Variants in FAM3C observed in about 807,000 individuals in gnomAD.
FAM3C encodes FAM3 metabolism regulating signaling molecule C, also known as protein FAM3C.
FAM3C carries 15 observed loss-of-function variants against 32.5 expected under a neutral mutation model. The observed-to-expected ratio is 0.46, with a 90% CI of 0.31 to 0.71. The LOEUF (loss-of-function observed/expected upper bound fraction) is 0.71. FAM3C is among the 30% of genes least tolerant of loss of function. FAM3C has a pLI of 0.05. For synonymous variants in FAM3C, 75 were observed against 86.1 expected (o/e 0.87, Z 0.72); for missense variants, 175 against 274.4 (o/e 0.64, Z 2.56).
chr7:121,351,930 G>A (rs1793714741), intron 8 of FAM3C, among the ~76,000 whole-genome samples: 1 of 152,104 alleles, frequency 6.6e-6, no homozygotes, highest in South Asian at 2.1e-4. Flanking sequence ...TTTTGTGTAA[G>A]TGATCATCCT....
intron 3 of FAM3C, among the ~76,000 whole-genome samples, chr7:121,374,219 C>T (rs898152473): frequency 1.3e-4 from 20 of 152,158 alleles, no homozygotes; most frequent in African/African-American, 4.8e-4. Context: ...ATGGGAGAAA[C>T]TGAGTAAACA....
intron 8 of FAM3C, 23 bp downstream of exon 8, chr7:121,360,020 A>G (rs1793887596): frequency 4.2e-6 from 5 of 1,202,948 alleles, no homozygotes; most frequent in Non-Finnish European, 6.1e-6. Context: ...ATAGTTCCAA[A>G]AAGTTCTGTA....
intron 3 of FAM3C, among the ~76,000 whole-genome samples, chr7:121,375,412 G>A (rs1794220369): frequency 6.6e-6 from 1 of 152,190 alleles, no homozygotes; most frequent in South Asian, 2.1e-4. Context: ...GACCAGCTGA[G>A]AAAGGCAGGC....
At chr7:121,358,435 CAG>C (rs1221476566) in intron 8 of FAM3C, among the ~76,000 whole-genome samples, 1 of 151,806 alleles carries the variant, frequency 6.6e-6, no homozygotes, top group East Asian at 1.9e-4. Flanking sequence ...GAAGAAAAGT[CAG>C]AGAAAAAATT....
chr7:121,391,808 C>A (rs1003539508), intron 1 of FAM3C, among the ~76,000 whole-genome samples: 3 of 152,170 alleles, frequency 2.0e-5, no homozygotes, highest in Non-Finnish European at 4.4e-5. Flanking sequence ...AAATGGAAAC[C>A]ATGCCTGAAG....
At chr7:121,372,169 G>A (rs749511749) in intron 3 of FAM3C, 30 bp from the exon 4 acceptor site, 15 of 1,548,844 alleles carry the variant, frequency 9.7e-6, no homozygotes, top group Admixed American at 1.7e-5. Flanking sequence ...TTTGTTAGAA[G>A]GAATGAGTCT....
intron 1 of FAM3C, 111 bp from the exon 2 acceptor site, chr7:121,383,121 G>A (rs1794390961): frequency 5.7e-6 from 3 of 525,522 alleles, no homozygotes; most frequent in South Asian, 5.7e-5. Flanking sequence ...ACATTTCTAA[G>A]TATTATGCCA....
At chr7:121,382,549 G>GTTTTTTT (rs3068115) in intron 2 of FAM3C, among the ~76,000 whole-genome samples, 1 of 130,780 alleles carries the variant, frequency 7.6e-6, no homozygotes. Context: ...CAGTCTTTAG[G>GTTTTTTT]TTTTTTTTTT....
chr7:121,350,614 C>T, intron 9 of FAM3C, 64 bp from the exon 10 acceptor site: 1 of 1,492,024 alleles, frequency 6.7e-7, no homozygotes, highest in Non-Finnish European at 9.3e-7. Flanking sequence ...TTTGCCGTAA[C>T]ATTTTACACA....
chr7:121,360,724 C>T (rs924234712), intron 7 of FAM3C, among the ~76,000 whole-genome samples: 1 of 152,062 alleles, frequency 6.6e-6, no homozygotes. Flanking sequence ...GTCCTAGCTA[C>T]TCAGGAAGTT....
chr7:121,395,871 A>G (rs1427555248), intron 1 of FAM3C, among the ~76,000 whole-genome samples: 2 of 151,742 alleles, frequency 1.3e-5, no homozygotes, highest in Non-Finnish European at 2.9e-5. Flanking sequence ...CGGGGCGCCG[A>G]GTGCCAGCGC....
At chr7:121,376,478 T>C (rs1794240197) in intron 3 of FAM3C, among the ~76,000 whole-genome samples, 1 of 152,200 alleles carries the variant, frequency 6.6e-6, no homozygotes, top group Non-Finnish European at 1.5e-5. Context: ...AAGTATCCCT[T>C]ATCCAAAATG....
At chr7:121,393,345 C>T (rs1326470917) in intron 1 of FAM3C, among the ~76,000 whole-genome samples, 3 of 152,120 alleles carry the variant, frequency 2.0e-5, no homozygotes, top group African/African-American at 4.8e-5. Flanking sequence ...GTAAACCTAG[C>T]TACTCCACAG....
chr7:121,392,954 G>T (rs1002087513), intron 1 of FAM3C, among the ~76,000 whole-genome samples: 5 of 152,138 alleles, frequency 3.3e-5, no homozygotes, highest in African/African-American at 1.2e-4. Context: ...AGACACAAAA[G>T]AACACATATT....
intron 8 of FAM3C, among the ~76,000 whole-genome samples, chr7:121,357,167 T>C (rs1174232296): frequency 1.3e-5 from 2 of 152,138 alleles, no homozygotes; most frequent in Non-Finnish European, 2.9e-5. Context: ...CTGAAGTTCA[T>C]AGCACTGCAA....
intron 7 of FAM3C, among the ~76,000 whole-genome samples, chr7:121,360,529 T>G (rs1473150055): frequency 6.6e-6 from 1 of 152,086 alleles, no homozygotes; most frequent in African/African-American, 2.4e-5. Flanking sequence ...GTGGACTCCT[T>G]AAGTGTATGT....
Position 121,360,733 on chromosome 7 carries a change from T to C in FAM3C, c.383-606A>G, listed in dbSNP as rs148080962. Reference sequence around the variant, plus strand: ...CCTGTAGTCCTAGCTACTCAGGAAGTTGAGGCAGGAGAACTGCTTTGAGGC... The same window carrying C: ...CCTGTAGTCCTAGCTACTCAGGAAGCTGAGGCAGGAGAACTGCTTTGAGGC... On this transcript the variant is annotated intron_variant, in intron 7 of 9. Transcript: ENST00000359943. Among the ~76,000 whole-genome samples the C allele has an allele frequency of 9.5e-3, 1,445 of 152,064 alleles. 69 individuals carry two copies. The highest frequency in any genetic ancestry group is 0.076 in the Admixed American group (1,160 of 15,270).
rs764979243 is a variant in FAM3C, at chr7:121,372,134, A to G, written c.124T>C (p.Ser42Pro). The G allele has an allele frequency of 6.2e-7, 1 of 1,605,934 alleles. No individual in the cohort carries two copies. The highest frequency in any genetic ancestry group is 1.7e-5 in the Admixed American group (1 of 59,750). Residue 42 changes from serine (S) to proline (P), a missense_variant, in exon 4 of 10, where the codon TCA (serine) becomes CCA (proline). Physicochemically the swap from Ser to Pro is moderately conservative, Grantham distance 74. Coordinates refer to ENST00000359943, the MANE Select transcript of FAM3C (RefSeq NM_014888.3). Reference protein sequence around the residue: ...DASLGNLFARSALDTAARSTK... With the variant: ...DASLGNLFARPALDTAARSTK... ...CAACGTGCAGCTGTGTCCAATGCTG[A>G]TCTTGCTGAAAAAAAAAAATTACTT...
At chr7:121,373,717 T>A (rs1436700191) in intron 3 of FAM3C, among the ~76,000 whole-genome samples, 1 of 152,064 alleles carries the variant, frequency 6.6e-6, no homozygotes, top group African/African-American at 2.4e-5. Flanking sequence ...AATAAATAAA[T>A]TCAATAGAAC....
Sources: allele counts gnomAD v4.1 joint callset (sites outside exome capture counted in the v4.1 genomes callset), GRCh38; gene constraint gnomAD v4.1.1; transcripts MANE v1.5; gene names NCBI Gene and HGNC (gene_info 2026-07-23, HGNC 2026-07-21).